The following MIA2 variants were observed in gnomAD, a reference collection of about 807,000 sequenced individuals.
The protein encoded by MIA2 is MIA SH3 domain ER export factor 2, also known as melanoma inhibitory activity protein 2.
MIA2 carries 127 observed loss-of-function variants against 167.8 expected under a neutral mutation model. That is an observed-to-expected ratio of 0.76 (90% CI 0.66 to 0.88). The LOEUF (loss-of-function observed/expected upper bound fraction) is 0.88, where lower values mean the gene tolerates loss of function less well. Among genes scored for constraint, MIA2 ranks in the 40% least tolerant of loss-of-function variants. The pLI is 0.00. For synonymous variants in MIA2, 552 were observed against 541.9 expected (o/e 1.02, Z -0.26); for missense variants, 1,690 against 1,624.7 (o/e 1.04, Z -0.69).
chr14:39,357,639 TC>T (rs2074563638), intron 23 of MIA2, among the ~76,000 whole-genome samples: 2 of 152,228 alleles, frequency 1.3e-5, no homozygotes, highest in African/African-American at 4.8e-5. Flanking sequence ...TGCACTTTCT[TC>T]CTAGCCTCGA....
intron 6 of MIA2, among the ~76,000 whole-genome samples, chr14:39,272,818 C>T (rs1192503021): frequency 6.6e-6 from 1 of 152,202 alleles, no homozygotes; most frequent in Non-Finnish European, 1.5e-5. Context: ...TTATTTAAGT[C>T]TTCCTTCGTT....
intron 23 of MIA2, among the ~76,000 whole-genome samples, chr14:39,362,748 T>C (rs1220803490): frequency 6.6e-6 from 1 of 152,162 alleles, no homozygotes; most frequent in African/African-American, 2.4e-5. Flanking sequence ...CTTGCTTTTC[T>C]GTTTCCTTGA....
intron 6 of MIA2, chr14:39,266,678 T>C (rs1254414933): frequency 3.0e-6 from 3 of 985,490 alleles, no homozygotes; most frequent in African/African-American, 3.5e-5. Flanking sequence ...AGGCCATTTT[T>C]CTGACTGGAA....
intron 6 of MIA2, chr14:39,267,359 C>G: frequency 2.5e-6 from 4 of 1,580,380 alleles, no homozygotes; most frequent in East Asian, 2.3e-5. Context: ...TTGCCGGGTG[C>G]GGATTCGGGT....
At chr14:39,275,383 C>T (rs368008003) in intron 6 of MIA2, among the ~76,000 whole-genome samples, 37 of 152,200 alleles carry the variant, frequency 2.4e-4, no homozygotes, top group African/African-American at 8.7e-4. Context: ...TCATGTGATC[C>T]GCCTACGTTG....
chr14:39,318,942 A>G (rs1401845477), intron 22 of MIA2, among the ~76,000 whole-genome samples: 1 of 152,132 alleles, frequency 6.6e-6, no homozygotes, highest in Non-Finnish European at 1.5e-5. Flanking sequence ...GTGATATAGT[A>G]CTCATGGTAG....
chr14:39,382,019 C>T (rs927383238), intron 23 of MIA2, among the ~76,000 whole-genome samples: 3 of 152,222 alleles, frequency 2.0e-5, no homozygotes, highest in East Asian at 1.9e-4. Flanking sequence ...GGGGTCCAGG[C>T]TAAAGACTGT....
Position 39,340,339 on chromosome 14 carries a change from G to C in MIA2, c.3656-5565G>C, listed in dbSNP as rs535706000. 1.1e-4 allele frequency among the ~76,000 whole-genome samples: 17 copies of C among 152,288 alleles called. No individual in the cohort carries two copies. In the South Asian group the frequency reaches 2.3e-3, roughly 20 times the overall value. On this transcript the variant is annotated intron_variant, in intron 25 of 28. Coordinates refer to ENST00000640607, the MANE Select transcript of MIA2 (RefSeq NM_001329214.4). Reference sequence around the variant, plus strand: ...TGAGTTAAGTGTGGTTGCTAGCCTGGCATGTTTAAAAACTCTTTTTCTTAA... The same window carrying C: ...TGAGTTAAGTGTGGTTGCTAGCCTGCCATGTTTAAAAACTCTTTTTCTTAA...
Position 39,285,467 on chromosome 14 carries a change from C to T in MIA2, c.2131-5552C>T, listed in dbSNP as rs1429588901. ...CTCCCGGACGGGGCGGCTGGCCGGG[C>T]GGGGGCTGACCCCCCACCTCCCTCC... On this transcript the variant is annotated intron_variant, in intron 9 of 28. Coordinates refer to ENST00000640607, the MANE Select transcript of MIA2 (RefSeq NM_001329214.4). 5.4e-4 allele frequency among the ~76,000 whole-genome samples: 63 copies of T among 115,884 alleles called. 6 individuals carry two copies. The East Asian group carries it at 0.014, about 26-fold the overall frequency. 76.0% of individuals were successfully genotyped at this position (115,884 alleles called of 152,430 possible).
chr14:39,281,715 A>G (rs1041343780), intron 9 of MIA2, among the ~76,000 whole-genome samples: 4 of 149,084 alleles, frequency 2.7e-5, no homozygotes, highest in African/African-American at 9.9e-5. Flanking sequence ...TCTGCCTCCC[A>G]GGTTCAAGTG....
rs751698567 is a variant in MIA2 at position 39,276,979 on chromosome 14, T to C, written c.1933T>C (p.Tyr645His). 24 of 1,614,006 alleles carry C rather than the reference T, an allele frequency of 1.5e-5. No individual in the cohort carries two copies. The highest frequency in any genetic ancestry group is 9.9e-5 in the South Asian group (9 of 91,074). ...AGGTATGAGACCAGATTCTAATCTT[T>C]ATGGTTTTCCATGGGAATTGGTGAT... ...PEGMRPDSNLYGFPWELVICA... is the reference protein window; with the variant it reads ...PEGMRPDSNLHGFPWELVICA... Residue 645 changes from tyrosine to histidine, a missense_variant, in exon 7 of 29, where the codon TAT becomes CAT. Physicochemically the swap from Tyr to His is moderately conservative, Grantham distance 83 (BLOSUM62 2). Coordinates refer to ENST00000640607, the MANE Select transcript of MIA2 (RefSeq NM_001329214.4).
At chr14:39,288,329 T>G (rs1344409324) in intron 9 of MIA2, among the ~76,000 whole-genome samples, 1 of 150,828 alleles carries the variant, frequency 6.6e-6, no homozygotes, top group African/African-American at 2.4e-5. Flanking sequence ...TCAACTTTGT[T>G]GAATGTTTTT....
intron 24 of MIA2, among the ~76,000 whole-genome samples, chr14:39,323,178 T>A (rs1394063510): frequency 6.6e-6 from 1 of 152,142 alleles, no homozygotes; most frequent in Non-Finnish European, 1.5e-5. Flanking sequence ...CCATATCCTG[T>A]TTGTATCCTC....
At chr14:39,311,638 T>A (rs750576153) in intron 18 of MIA2, among the ~76,000 whole-genome samples, 5 of 146,440 alleles carry the variant, frequency 3.4e-5, no homozygotes, top group Non-Finnish European at 7.5e-5. Flanking sequence ...CCACCACTCC[T>A]GGCTTATTTA....
chr14:39,386,722 A>AT, intron 23 of MIA2: 1 of 1,335,394 alleles, frequency 7.5e-7, no homozygotes, highest in Non-Finnish European at 1.1e-6. Context: ...TTCTTTGAAT[A>AT]TTTGTAATCT....
rs1595919432 is a variant in MIA2, at chr14:39,350,283, C to G, written c.*19C>G. The G allele has an allele frequency of 8.0e-7, 1 of 1,242,900 alleles. No individual in the cohort carries two copies. The highest frequency in any genetic ancestry group is 1.7e-5 in the South Asian group (1 of 58,014). 77.0% of individuals were successfully genotyped at this position (1,242,900 alleles called of 1,614,324 possible). On this transcript the variant is annotated 3_prime_UTR_variant, in exon 29 of 29. Transcript: ENST00000640607. ...AACCTGACAATATTTTTGCTCTCTT[C>G]AAAAGTAATTTTGACTGATCTCATT...
At chr14:39,282,372 T>C (rs1057026527) in intron 9 of MIA2, among the ~76,000 whole-genome samples, 1 of 152,214 alleles carries the variant, frequency 6.6e-6, no homozygotes, top group African/African-American at 2.4e-5. Context: ...GGTATAAACA[T>C]GATGAGATAC....
chr14:39,308,253 G>A (rs770484155), intron 17 of MIA2, among the ~76,000 whole-genome samples, 196 bp from the exon 18 acceptor site: 1 of 152,018 alleles, frequency 6.6e-6, no homozygotes, highest in Non-Finnish European at 1.5e-5. Context: ...ACATAAATAT[G>A]TACAATTTTT....
intron 3 of MIA2, among the ~76,000 whole-genome samples, chr14:39,243,916 T>C (rs1248018676): frequency 6.6e-6 from 1 of 152,154 alleles, no homozygotes; most frequent in African/African-American, 2.4e-5. Flanking sequence ...GAGGAAACTG[T>C]CCATTTTTAT....
Sources: allele counts gnomAD v4.1 joint callset (sites outside exome capture counted in the v4.1 genomes callset), GRCh38; gene constraint gnomAD v4.1.1; transcripts MANE v1.5; gene names NCBI Gene and HGNC (gene_info 2026-07-23, HGNC 2026-07-21).